Variants in UIMC1 observed in about 807,000 individuals in gnomAD.
UIMC1 encodes BRCA1-A complex subunit RAP80.
In UIMC1, 42 loss-of-function variants were observed where a neutral mutation model predicts 84.9. That is an observed-to-expected ratio of 0.49 (90% CI 0.39 to 0.64). UIMC1 has a LOEUF of 0.64. Among genes scored for constraint, UIMC1 ranks in the 30% least tolerant of loss-of-function variants. The pLI, the probability that UIMC1 is intolerant of heterozygous loss-of-function variation, is 0.00. For missense variants in UIMC1, 825 were observed against 847.6 expected (o/e 0.97, Z 0.33); for synonymous variants, 281 against 293.0 (o/e 0.96, Z 0.42).
In UIMC1 at chr5:176,968,662, T is replaced by C; in HGVS notation, c.1093A>G (p.Arg365Gly). 4 of 1,614,190 alleles carry C rather than the reference T, an allele frequency of 2.5e-6. No individual in the cohort carries two copies. Among genetic ancestry groups the C allele is most frequent in the Non-Finnish European group, 3.4e-6 (4 of 1,180,042 alleles). ...DEDKEERQES[R>G]ASDWHSKTKD... ...GTTTTTGAGTGCCAGTCAGATGCCC[T>C]AGACTCCTGCCTCTCCTCTTTGTCT... Residue 365 changes from arginine (R) to glycine (G), a missense_variant, in exon 6 of 15, where the codon AGG becomes GGG. Coordinates refer to ENST00000511320, the MANE Select transcript of UIMC1 (RefSeq NM_001199298.2).
intron 10 of UIMC1, among the ~76,000 whole-genome samples, chr5:176,931,289 G>T (rs1462252555): frequency 2.0e-5 from 3 of 152,104 alleles, no homozygotes; most frequent in African/African-American, 7.2e-5. Context: ...ATTTAAAAGT[G>T]TGACTAGATC....
chr5:176,982,409 A>G, intron 2 of UIMC1, 60 bp downstream of exon 2: 2 of 1,558,318 alleles, frequency 1.3e-6, no homozygotes, highest in Non-Finnish European at 8.7e-7. Flanking sequence ...CAAACTCCCC[A>G]TGGGTAAAGA....
chr5:176,914,604 A>C (rs1227489961), intron 10 of UIMC1, among the ~76,000 whole-genome samples: 1 of 152,222 alleles, frequency 6.6e-6, no homozygotes, highest in Non-Finnish European at 1.5e-5. Context: ...TGCGTAATAA[A>C]ACAAGATCAC....
At chr5:176,953,002 G>T (rs906555596) in intron 8 of UIMC1, among the ~76,000 whole-genome samples, 1 of 152,140 alleles carries the variant, frequency 6.6e-6, no homozygotes, top group African/African-American at 2.4e-5. Flanking sequence ...GTGACCTTTG[G>T]AAGGTAATTA....
At chr5:176,981,942 T>C (rs900972164) in intron 2 of UIMC1, among the ~76,000 whole-genome samples, 1 of 152,184 alleles carries the variant, frequency 6.6e-6, no homozygotes, top group Non-Finnish European at 1.5e-5. Context: ...CAATCTTTAT[T>C]CCGGAGAATA....
chr5:176,992,463 T>TAAAA lies in UIMC1; in HGVS notation c.-8-9844_-8-9841dup, dbSNP rs58677475. The stretch of plus-strand genomic sequence containing the variant: ...AACATAGTGAGACCCTGTCTCAGTT[T>TAAAA]AAAAAAAAAAAAAGGTGACTAAGTA... On this transcript the variant is annotated intron_variant, in intron 1 of 14. Coordinates refer to ENST00000511320, the MANE Select transcript of UIMC1 (RefSeq NM_001199298.2). Among the ~76,000 whole-genome samples the TAAAA allele has an allele frequency of 8.8e-3, 1,254 of 141,702 alleles. 6 individuals carry two copies. The highest frequency in any genetic ancestry group is 0.024 in the South Asian group (105 of 4,464). 93.0% of individuals were successfully genotyped at this position (141,702 alleles called of 152,430 possible). A position where few individuals can be genotyped will look rare whatever the true frequency, so the allele number is the denominator to read the frequency against.
At chr5:176,986,898 T>TA (rs200181013) in intron 1 of UIMC1, among the ~76,000 whole-genome samples, 133 of 151,186 alleles carry the variant, frequency 8.8e-4, no homozygotes, top group Admixed American at 2.2e-3. Flanking sequence ...GACCTGTGTT[T>TA]AAAAAAAAAC....
chr5:176,951,468 A>G lies in UIMC1; in HGVS notation c.1443+6T>C. On this transcript the variant is annotated splice_donor_region_variant and intron_variant, in intron 9 of 14. Coordinates refer to ENST00000511320, the MANE Select transcript of UIMC1 (RefSeq NM_001199298.2). ...ACTGAGAAAAAATATAGAGGAAAAT[A>G]TTCACCTCCTTATCTGCCATTATTA... 1.0e-4 allele frequency: 146 copies of G among 1,398,976 alleles called. No homozygotes were observed. Among genetic ancestry groups the G allele is most frequent in the Non-Finnish European group, 1.3e-4 (129 of 1,028,772 alleles). 86.7% of individuals were successfully genotyped at this position (1,398,976 alleles called of 1,614,324 possible). A position where few individuals can be genotyped will look rare whatever the true frequency, so the allele number is the denominator to read the frequency against.
At chr5:176,928,690 G>A (rs1355048217) in intron 10 of UIMC1, among the ~76,000 whole-genome samples, 1 of 152,170 alleles carries the variant, frequency 6.6e-6, no homozygotes, top group Admixed American at 6.5e-5. Flanking sequence ...AGTGGCCCAC[G>A]CCTGTAATCC....
chr5:176,959,084 T>C (rs1354432315), intron 6 of UIMC1, among the ~76,000 whole-genome samples: 3 of 152,326 alleles, frequency 2.0e-5, no homozygotes, highest in Non-Finnish European at 4.4e-5. Context: ...TCAGGAATAG[T>C]TGAGTTTTCA....
At chr5:177,000,490 T>C (rs1048419575) in intron 1 of UIMC1, among the ~76,000 whole-genome samples, 1 of 150,982 alleles carries the variant, frequency 6.6e-6, no homozygotes, top group Admixed American at 6.6e-5. Flanking sequence ...TGTTTTCCAC[T>C]TGCATGTCTT....
intron 10 of UIMC1, among the ~76,000 whole-genome samples, chr5:176,940,734 TAA>T: frequency 6.6e-6 from 1 of 151,798 alleles, no homozygotes; most frequent in South Asian, 2.1e-4. Flanking sequence ...TAGAGACCCT[TAA>T]AAAAAAATCT....
At chr5:176,976,005 A>G (rs1769997242) in intron 2 of UIMC1, among the ~76,000 whole-genome samples, 1 of 152,132 alleles carries the variant, frequency 6.6e-6, no homozygotes, top group Non-Finnish European at 1.5e-5. Flanking sequence ...TAAAATAGAG[A>G]AAGAAATAAA....
chr5:176,997,011 G>T (rs753028573), intron 1 of UIMC1, among the ~76,000 whole-genome samples: 9 of 152,184 alleles, frequency 5.9e-5, no homozygotes, highest in African/African-American at 2.2e-4. Flanking sequence ...CCTGCTCAGC[G>T]GGATCTATGT....
At chr5:176,956,079 T>A (rs1208363685) in intron 7 of UIMC1, 44 bp from the exon 8 acceptor site, 1 of 1,597,948 alleles carries the variant, frequency 6.3e-7, no homozygotes, top group Admixed American at 1.7e-5. Context: ...GTAAAATAAA[T>A]CAGAACATAG....
At chr5:176,905,928 T>A in intron 14 of UIMC1, 83 bp downstream of exon 14, 1 of 1,450,796 alleles carries the variant, frequency 6.9e-7, no homozygotes. Context: ...AGTCTGAGTA[T>A]CACACTACAC....
intron 1 of UIMC1, among the ~76,000 whole-genome samples, chr5:176,991,630 CAAAAAAAAAAA>C (rs57753076): frequency 1.3e-5 from 1 of 78,848 alleles, no homozygotes; most frequent in Non-Finnish European, 2.4e-5. Flanking sequence ...AACTCCGTCT[CAAAAAAAAAAA>C]AAAAAAAAAG....
chr5:176,971,647 G>A (rs748341162), intron 3 of UIMC1, among the ~76,000 whole-genome samples: 12 of 152,148 alleles, frequency 7.9e-5, no homozygotes, highest in East Asian at 3.9e-4. Flanking sequence ...GGTGGCTCAC[G>A]CCTGTAATCC....
intron 1 of UIMC1, among the ~76,000 whole-genome samples, chr5:177,022,244 C>A (rs1013501983): frequency 2.0e-5 from 3 of 151,984 alleles, no homozygotes; most frequent in South Asian, 2.1e-4. Context: ...TCCGGAGTCT[C>A]GGGGAAGATC....
Sources: allele counts gnomAD v4.1 joint callset (sites outside exome capture counted in the v4.1 genomes callset), GRCh38; gene constraint gnomAD v4.1.1; transcripts MANE v1.5; gene names NCBI Gene and HGNC (gene_info 2026-07-23, HGNC 2026-07-21).